BMP7: variants seen among roughly 807,000 people sequenced by gnomAD.
BMP7 encodes the protein bone morphogenetic protein 7.
BMP7 carries 12 observed loss-of-function variants against 41.2 expected under a neutral mutation model. The observed-to-expected ratio is 0.29, with a 90% CI of 0.19 to 0.47. BMP7 has a LOEUF of 0.47. Among genes scored for constraint, BMP7 ranks in the 20% least tolerant of loss-of-function variants. The probability of loss-of-function intolerance (pLI) is 0.99; values close to 1 mark genes in which losing one functional copy is unlikely to be tolerated. For missense variants in BMP7, 467 were observed against 606.0 expected (o/e 0.77, Z 2.41); for synonymous variants, 248 against 250.0 (o/e 0.99, Z 0.07).
At chr20:57,192,014 T>A (rs1468207138) in intron 3 of BMP7, among the ~76,000 whole-genome samples, 7 of 125,462 alleles carry the variant, frequency 5.6e-5, no homozygotes, top group African/African-American at 9.7e-5. Context: ...TAATATATAT[T>A]ATATATAATA....
At chr20:57,196,535 A>T (rs1478854884) in intron 3 of BMP7, among the ~76,000 whole-genome samples, 1 of 152,214 alleles carries the variant, frequency 6.6e-6, no homozygotes, top group East Asian at 1.9e-4. Context: ...CTGTGCTTCC[A>T]ACATAGGTGG....
At chr20:57,239,421 C>T (rs8117076) in intron 1 of BMP7, among the ~76,000 whole-genome samples, 51,843 of 152,098 alleles carry the variant, frequency 0.34, 10,051 homozygotes, top group Non-Finnish European at 0.43. Context: ...TTGCAGGGTA[C>T]GGCCTCCCTC....
At position 57,171,136 on chromosome 20, in the gene BMP7, T is replaced by C; in HGVS notation, c.1147-28A>G. ...GAAACACACACCAAAACATGGGCAG[T>C]GGTGAGAAGCGGTGAGTCGTTCTAA... On this transcript the variant is annotated intron_variant, in intron 6 of 6. Transcript: ENST00000395863. The surrounding 1 kb of genome is among the most constrained non-coding windows in gnomAD (Gnocchi z 4.5). 3 of 1,614,066 alleles carry C rather than the reference T, an allele frequency of 1.9e-6. No homozygotes were observed. The highest frequency in any genetic ancestry group is 2.5e-6 in the Non-Finnish European group (3 of 1,179,982).
intron 3 of BMP7, 65 bp from the exon 4 acceptor site, chr20:57,183,984 T>C: frequency 1.9e-6 from 3 of 1,557,656 alleles, no homozygotes; most frequent in Non-Finnish European, 2.6e-6. Context: ...GGGACAGGGC[T>C]GCAGAGATGC....
intron 2 of BMP7, among the ~76,000 whole-genome samples, chr20:57,218,704 GGTT>G: frequency 6.9e-6 from 1 of 145,718 alleles, no homozygotes. Flanking sequence ...GTGGTAGCTG[GGTT>G]TGTTTGGTGG....
chr20:57,205,732 A>G (rs1434968725), intron 2 of BMP7, among the ~76,000 whole-genome samples: 1 of 152,166 alleles, frequency 6.6e-6, no homozygotes, highest in African/African-American at 2.4e-5. Flanking sequence ...GAGACCTTTA[A>G]ACAGAGAACG....
At chr20:57,241,452 A>C (rs1371491444) in intron 1 of BMP7, among the ~76,000 whole-genome samples, 1 of 152,092 alleles carries the variant, frequency 6.6e-6, no homozygotes, top group Non-Finnish European at 1.5e-5. Context: ...ACCCCTCCCC[A>C]GGCCCCCAGA....
At position 57,176,792 on chromosome 20, in the gene BMP7, C is replaced by G. The variant is rs77759395; in HGVS notation, c.959-1785G>C. Among the ~76,000 whole-genome samples, 5 of 52,780 alleles carry G rather than the reference C, an allele frequency of 9.5e-5. No individual in the cohort carries two copies. The East Asian group carries it at 3.5e-3, about 37-fold the overall frequency. 34.6% of individuals were successfully genotyped at this position (52,780 alleles called of 152,430 possible). A position where few individuals can be genotyped will look rare whatever the true frequency, so the allele number is the denominator to read the frequency against. On this transcript the variant is annotated intron_variant, in intron 4 of 6. Coordinates refer to ENST00000395863, the MANE Select transcript of BMP7 (RefSeq NM_001719.3). ...CACACACACACACACACACACACAC[C>G]TGTTAACTGTTTGAATGCATGGCTC...
At chr20:57,173,868 G>T (rs920003166) in intron 5 of BMP7, among the ~76,000 whole-genome samples, 6 of 152,022 alleles carry the variant, frequency 3.9e-5, no homozygotes, top group African/African-American at 1.4e-4. Flanking sequence ...ACTCATAATG[G>T]CATCACCCAT....
intron 4 of BMP7, among the ~76,000 whole-genome samples, chr20:57,175,845 C>T (rs1053602847): frequency 3.9e-5 from 6 of 152,340 alleles, no homozygotes; most frequent in Admixed American, 2.0e-4. Flanking sequence ...CCCACAGGCC[C>T]GGTGTGCTCT....
intron 1 of BMP7, among the ~76,000 whole-genome samples, chr20:57,229,697 G>A (rs982470226): frequency 6.6e-6 from 1 of 152,218 alleles, no homozygotes; most frequent in Non-Finnish European, 1.5e-5. Context: ...GAGAGAGGGA[G>A]AAAGAGCAGA....
intron 2 of BMP7, among the ~76,000 whole-genome samples, chr20:57,220,889 C>G (rs182615551): frequency 1.3e-5 from 2 of 152,194 alleles, no homozygotes; most frequent in Non-Finnish European, 2.9e-5. Flanking sequence ...GACGAACTAG[C>G]TCCAGGGCAA....
intron 3 of BMP7, among the ~76,000 whole-genome samples, chr20:57,198,295 C>T (rs77215043): frequency 7.9e-5 from 12 of 152,222 alleles, no homozygotes; most frequent in South Asian, 2.1e-4. Context: ...AGATTCACCC[C>T]GGGTCTCTGA....
intron 2 of BMP7, among the ~76,000 whole-genome samples, chr20:57,216,489 C>CGCTGTCTCCTGAGGGCGAGGGG (rs1263202948): frequency 0.022 from 2,945 of 133,468 alleles, 616 homozygotes; most frequent in African/African-American, 0.1. Context: ...AGGACGAGGG[C>CGCTGTCTCCTGAGGGCGAGGGG]GCTGTCTCCT....
intron 2 of BMP7, among the ~76,000 whole-genome samples, chr20:57,227,044 C>T (rs1456634337): frequency 6.6e-6 from 1 of 152,096 alleles, no homozygotes; most frequent in Non-Finnish European, 1.5e-5. Context: ...CCAGGCTGGT[C>T]TCAAACTCCT....
At chr20:57,244,850 G>T (rs1022886363) in intron 1 of BMP7, among the ~76,000 whole-genome samples, 1 of 152,244 alleles carries the variant, frequency 6.6e-6, no homozygotes, top group Non-Finnish European at 1.5e-5. Flanking sequence ...CAGCCAGAGA[G>T]GCTTGGGTCA....
chr20:57,199,908 C>G (rs1465108241), intron 3 of BMP7, among the ~76,000 whole-genome samples: 2 of 152,220 alleles, frequency 1.3e-5, no homozygotes, highest in Admixed American at 1.3e-4. Context: ...CCAGGAGGAG[C>G]AAAGATGGTG....
At chr20:57,216,685 C>G (rs1985040093) in intron 2 of BMP7, among the ~76,000 whole-genome samples, 1 of 152,114 alleles carries the variant, frequency 6.6e-6, no homozygotes, top group African/African-American at 2.4e-5. Flanking sequence ...CTCAGTGGGT[C>G]AGAGAAAGTT....
chr20:57,189,048 C>A (rs6064509), intron 3 of BMP7, among the ~76,000 whole-genome samples: 2,491 of 152,280 alleles, frequency 0.016, 45 homozygotes, highest in Middle Eastern at 0.065. Context: ...GGGGTGGGAC[C>A]TACACATGAG....
Sources: gnomAD v4.1 joint callset for allele counts (sites outside exome capture counted in the v4.1 genomes callset) on GRCh38, gnomAD v4.1.1 for gene constraint, Gnocchi (gnomAD v3.1) non-coding constraint, MANE v1.5 for transcripts, NCBI Gene and HGNC (gene_info 2026-07-23, HGNC 2026-07-21) for gene names.